The following HECTD2 variants were observed in gnomAD, a reference collection of about 807,000 sequenced individuals.
The protein encoded by HECTD2 is probable E3 ubiquitin-protein ligase HECTD2.
HECTD2 carries 35 observed loss-of-function variants against 103.2 expected under a neutral mutation model. The ratio of observed to expected loss-of-function variants is 0.34; its 90% CI spans 0.26 to 0.45. The LOEUF is 0.45. HECTD2 is among the 20% of genes least tolerant of loss of function. HECTD2 has a pLI of 1.00. For missense variants in HECTD2, 596 were observed against 937.4 expected (o/e 0.64, Z 4.76); for synonymous variants, 281 against 329.9 (o/e 0.85, Z 1.61).
chr10:91,454,737 AG>A (rs1844998377), intron 2 of HECTD2, among the ~76,000 whole-genome samples: 1 of 150,946 alleles, frequency 6.6e-6, no homozygotes, highest in Admixed American at 6.6e-5. Context: ...ACCCCACAAC[AG>A]GCCCCAGTGT....
chr10:91,415,614 T>C (rs1363853635), intron 1 of HECTD2, among the ~76,000 whole-genome samples: 1 of 152,164 alleles, frequency 6.6e-6, no homozygotes, highest in Non-Finnish European at 1.5e-5. Context: ...AGTGGTTGCT[T>C]TATAACAGAG....
At chr10:91,484,253 G>A in intron 8 of HECTD2, 1 of 811,158 alleles carries the variant, frequency 1.2e-6, no homozygotes. Context: ...TGTGAATAAT[G>A]AAGACTGAAT....
intron 1 of HECTD2, 43 bp from the exon 2 acceptor site, chr10:91,425,238 G>T: frequency 3.0e-6 from 4 of 1,354,744 alleles, no homozygotes; most frequent in Non-Finnish European, 3.9e-6. Flanking sequence ...ATAATTTATA[G>T]GTAGTAGGAA....
At chr10:91,491,588 A>G (rs1162818954) in intron 12 of HECTD2, among the ~76,000 whole-genome samples, 1 of 152,152 alleles carries the variant, frequency 6.6e-6, no homozygotes, top group Non-Finnish European at 1.5e-5. Context: ...TGAGTAATTC[A>G]TGTTTCTTAG....
rs562042936 is a variant in HECTD2, at chr10:91,503,846, A to G, written c.2210+2512A>G. Among the ~76,000 whole-genome samples the G allele has an allele frequency of 3.9e-4, 60 of 152,334 alleles. No homozygotes were observed. The East Asian group carries it at 0.011, about 27-fold the overall frequency. ...GCAGGGCACAGACAAACAAAAAGAC[A>G]GCAGTAACCTCTGCAGACTTAAATG... is the stretch of plus-strand genomic sequence containing the variant. On this transcript the variant is annotated intron_variant, in intron 20 of 20. Transcript: ENST00000298068.
At chr10:91,504,229 T>A (rs1264163565) in intron 20 of HECTD2, among the ~76,000 whole-genome samples, 1 of 152,110 alleles carries the variant, frequency 6.6e-6, no homozygotes, top group East Asian at 1.9e-4. Context: ...CCTCTCCTCC[T>A]CCAAAGGAAC....
intron 11 of HECTD2, 53 bp from the exon 12 acceptor site, chr10:91,491,147 A>G: frequency 1.2e-6 from 1 of 829,822 alleles, no homozygotes; most frequent in Non-Finnish European, 2.0e-6. Context: ...AATGTTTTAA[A>G]TGAAATTATA....
intron 11 of HECTD2, chr10:91,488,719 A>C (rs1846356046): frequency 6.6e-6 from 1 of 152,206 alleles, no homozygotes; most frequent in Admixed American, 6.5e-5. Flanking sequence ...GAAGGTGAGT[A>C]TTTCTTTCTA....
chr10:91,411,866 G>C (rs975808852), intron 1 of HECTD2, among the ~76,000 whole-genome samples: 7 of 152,106 alleles, frequency 4.6e-5, no homozygotes, highest in African/African-American at 1.7e-4. Flanking sequence ...ATTTTATATA[G>C]GAAGTCTTTA....
intron 2 of HECTD2, among the ~76,000 whole-genome samples, chr10:91,431,698 A>G (rs1261834520): frequency 6.6e-6 from 1 of 151,670 alleles, no homozygotes; most frequent in Non-Finnish European, 1.5e-5. Flanking sequence ...TGCATTCTTC[A>G]CGTGGTTCTC....
At chr10:91,445,922 A>G (rs1416101423) in intron 2 of HECTD2, among the ~76,000 whole-genome samples, 1 of 151,996 alleles carries the variant, frequency 6.6e-6, no homozygotes, top group East Asian at 1.9e-4. Context: ...TGCCTATGCC[A>G]CCAGGGCCCT....
intron 2 of HECTD2, among the ~76,000 whole-genome samples, chr10:91,428,639 A>G (rs1843688253): frequency 2.0e-5 from 3 of 152,000 alleles, no homozygotes; most frequent in South Asian, 4.1e-4. Context: ...CTTTGAAGCA[A>G]TTGTGAATGG....
chr10:91,441,823 C>CTTT (rs1844396000), intron 2 of HECTD2, among the ~76,000 whole-genome samples: 1 of 121,220 alleles, frequency 8.2e-6, no homozygotes, highest in African/African-American at 3.3e-5. Context: ...TAATGCCCTT[C>CTTT]GTCTTTTTGG....
chr10:91,470,985 C>T (rs192406632), intron 5 of HECTD2, among the ~76,000 whole-genome samples: 29 of 146,284 alleles, frequency 2.0e-4, no homozygotes, highest in African/African-American at 4.4e-4. Flanking sequence ...CACACACACA[C>T]ACACGCACAC....
chr10:91,456,978 A>G (rs1027488294), intron 2 of HECTD2, among the ~76,000 whole-genome samples: 2 of 152,066 alleles, frequency 1.3e-5, no homozygotes, highest in African/African-American at 4.8e-5. Context: ...TGTCAGTATG[A>G]TAAATGAAAT....
chr10:91,506,543 T>C (rs1475865025), intron 20 of HECTD2, among the ~76,000 whole-genome samples: 2 of 152,014 alleles, frequency 1.3e-5, no homozygotes, highest in African/African-American at 2.4e-5. Context: ...ATAAATTCCT[T>C]GATACATACA....
At chr10:91,485,356 G>A in intron 10 of HECTD2, 53 bp downstream of exon 10, 2 of 1,366,332 alleles carry the variant, frequency 1.5e-6, no homozygotes, top group Non-Finnish European at 2.0e-6. Flanking sequence ...CTATTCAAAA[G>A]AATGACTAGA....
chr10:91,417,978 AC>A (rs1276921214), intron 1 of HECTD2, among the ~76,000 whole-genome samples: 1 of 152,158 alleles, frequency 6.6e-6, no homozygotes. Context: ...TTACAGTCCC[AC>A]CAACAGTGTA....
At chr10:91,424,153 G>A (rs1053466030) in intron 1 of HECTD2, among the ~76,000 whole-genome samples, 43 of 152,204 alleles carry the variant, frequency 2.8e-4, no homozygotes, top group African/African-American at 9.6e-4. Context: ...TGCCACAGTC[G>A]AGGAAAAGAG....
Sources: allele counts gnomAD v4.1 joint callset (sites outside exome capture counted in the v4.1 genomes callset), GRCh38; gene constraint gnomAD v4.1.1; transcripts MANE v1.5; gene names NCBI Gene and HGNC (gene_info 2026-07-23, HGNC 2026-07-21).